The following ABHD18 variants were observed in gnomAD, a reference collection of about 807,000 sequenced individuals.
ABHD18 encodes the protein abhydrolase domain containing 18.
Under a neutral mutation model 65.9 loss-of-function variants are expected in ABHD18, and 55 were observed. The ratio of observed to expected loss-of-function variants is 0.84; its 90% CI spans 0.67 to 1.05. ABHD18 has a LOEUF of 1.05. Ranked by LOEUF, ABHD18 falls within the 50% of genes least tolerant of loss-of-function variation. ABHD18 has a pLI of 0.00. For missense variants in ABHD18, 533 were observed against 558.5 expected (o/e 0.95, Z 0.46); for synonymous variants, 181 against 180.2 (o/e 1.00, Z -0.04).
intron 4 of ABHD18, among the ~76,000 whole-genome samples, chr4:127,991,567 G>A (rs1750930447): frequency 6.6e-6 from 1 of 152,024 alleles, no homozygotes; most frequent in Non-Finnish European, 1.5e-5. Context: ...AATCAGTGTT[G>A]AACCTAGATC....
At chr4:128,023,556 C>G (rs1362422848) in intron 10 of ABHD18, among the ~76,000 whole-genome samples, 5 of 150,804 alleles carry the variant, frequency 3.3e-5, no homozygotes, top group Non-Finnish European at 7.4e-5. Context: ...TGCACTCCAG[C>G]CCAGGTGACA....
Position 128,023,115 on chromosome 4 carries a change from ACT to A in ABHD18, c.801+1880_801+1881del, listed in dbSNP as rs549275579. On this transcript the variant is annotated intron_variant, in intron 10 of 12. Coordinates refer to ENST00000645843, the MANE Select transcript of ABHD18 (RefSeq NM_001358451.3). ...TTTTTACTGTTTGAAAGATACTGAG[ACT>A]CTTAAGAAACTTCAAAAAAAAGAAA... is the stretch of plus-strand genomic sequence containing the variant. Among the ~76,000 whole-genome samples, 43 of 151,292 alleles carry A rather than the reference ACT, an allele frequency of 2.8e-4. 1 individual carries two copies. The South Asian group carries it at 4.8e-3, about 17-fold the overall frequency.
intron 8 of ABHD18, 133 bp from the exon 9 acceptor site, chr4:128,019,947 T>G (rs1049655322): frequency 1.3e-5 from 7 of 529,238 alleles, no homozygotes; most frequent in Non-Finnish European, 2.0e-5. Context: ...TGGCTAGACA[T>G]TCTCACGAAT....
chr4:128,020,241 A>G (rs2149165725), intron 9 of ABHD18, 72 bp downstream of exon 9: 1 of 1,068,568 alleles, frequency 9.4e-7, no homozygotes, highest in East Asian at 2.6e-5. Flanking sequence ...GGTCCCCAAA[A>G]CCACCCTCAG....
At chr4:128,003,143 C>T (rs898004388) in intron 4 of ABHD18, among the ~76,000 whole-genome samples, 6 of 151,336 alleles carry the variant, frequency 4.0e-5, no homozygotes, top group African/African-American at 9.7e-5. Context: ...CTGAGGTGGG[C>T]GGATCATGAG....
At chr4:127,979,092 C>G (rs1748500946) in intron 1 of ABHD18, among the ~76,000 whole-genome samples, 1 of 152,046 alleles carries the variant, frequency 6.6e-6, no homozygotes, top group Non-Finnish European at 1.5e-5. Context: ...TAAAAAACAA[C>G]AAACCAAATA....
chr4:128,005,102 G>A lies in ABHD18; in HGVS notation c.279-3818G>A, dbSNP rs375852402. Among the ~76,000 whole-genome samples, 21 of 152,112 alleles carry A rather than the reference G, an allele frequency of 1.4e-4. 1 individual carries two copies. In the South Asian group the frequency reaches 3.9e-3, roughly 29 times the overall value. The stretch of plus-strand genomic sequence containing the variant: ...AAATTAGTTGGGCATGGTGGCACAC[G>A]CCTGTAATCCCAGCTACTTGGGAGG... On this transcript the variant is annotated intron_variant, in intron 4 of 12. Transcript: ENST00000645843.
intron 3 of ABHD18, among the ~76,000 whole-genome samples, chr4:127,985,520 C>T (rs1326809106): frequency 6.6e-6 from 1 of 151,926 alleles, no homozygotes; most frequent in Non-Finnish European, 1.5e-5. Context: ...CTCCCTGACC[C>T]TCAAATTTTG....
In ABHD18 at chr4:128,039,716, T is replaced by C. The variant is rs1476851166; in HGVS notation, c.*3903T>C. The C allele has an allele frequency of 2.0e-5, 3 of 152,184 alleles. No individual in the cohort carries two copies. The highest frequency in any genetic ancestry group is 4.4e-5 in the Non-Finnish European group (3 of 68,038). 9.4% of individuals were successfully genotyped at this position (152,184 alleles called of 1,614,324 possible). A position where few individuals can be genotyped will look rare whatever the true frequency, so the allele number is the denominator to read the frequency against. On this transcript the variant is annotated 3_prime_UTR_variant, in exon 13 of 13. Coordinates refer to ENST00000645843, the MANE Select transcript of ABHD18 (RefSeq NM_001358451.3). The stretch of plus-strand genomic sequence containing the variant: ...AAAGTCTATTTAAAAAGCTAATCAT[T>C]TGTGCTTTTTTTCAAGAGGTATTAT...
chr4:128,010,648 C>T (rs532657348), intron 6 of ABHD18, among the ~76,000 whole-genome samples: 11 of 151,882 alleles, frequency 7.2e-5, no homozygotes, highest in Admixed American at 4.6e-4. Flanking sequence ...CACGGTGGCT[C>T]ACGCCCTGTA....
chr4:127,981,965 A>G (rs1231778770), intron 1 of ABHD18, among the ~76,000 whole-genome samples: 1 of 152,180 alleles, frequency 6.6e-6, no homozygotes, highest in Non-Finnish European at 1.5e-5. Context: ...CAACCATAAA[A>G]TCAACTTAAA....
Position 128,017,405 on chromosome 4 carries a change from A to AGG in ABHD18, c.514_515dup (p.Ala173GlufsTer5), listed in dbSNP as rs754537737. ...ATGTGTCCGACCTTTTTGTGATGGG[A>AGG]GGAGCTCTTGTTTTAGAATCTGCAG... On this transcript the variant is annotated frameshift_variant, in exon 8 of 13. Coordinates refer to ENST00000645843, the MANE Select transcript of ABHD18 (RefSeq NM_001358451.3). LOFTEE classifies it high-confidence loss of function. The AGG allele has an allele frequency of 1.2e-6, 2 of 1,613,792 alleles. No individual in the cohort carries two copies. The highest frequency in any genetic ancestry group is 2.2e-5 in the South Asian group (2 of 91,038).
chr4:127,989,620 C>A, intron 3 of ABHD18, 101 bp from the exon 4 acceptor site: 1 of 703,350 alleles, frequency 1.4e-6, no homozygotes, highest in Non-Finnish European at 2.2e-6. Context: ...GTGCTGAAAA[C>A]ATGATTTTAA....
At chr4:127,994,149 C>T (rs1031516605) in intron 4 of ABHD18, among the ~76,000 whole-genome samples, 1 of 152,112 alleles carries the variant, frequency 6.6e-6, no homozygotes, top group African/African-American at 2.4e-5. Flanking sequence ...TTTAAGACTG[C>T]TTAAGATCTG....
intron 4 of ABHD18, among the ~76,000 whole-genome samples, chr4:127,998,376 G>T (rs544617564): frequency 6.8e-6 from 1 of 147,318 alleles, no homozygotes; most frequent in Non-Finnish European, 1.5e-5. Flanking sequence ...TCCTGCCTCA[G>T]CCTCCTGTTC....
At chr4:127,998,337 C>T (rs1385914575) in intron 4 of ABHD18, among the ~76,000 whole-genome samples, 1 of 138,428 alleles carries the variant, frequency 7.2e-6, no homozygotes, top group Non-Finnish European at 1.5e-5. Context: ...GGCTGGAGTG[C>T]ACTGGCACGA....
At chr4:128,007,788 T>C (rs1364253029) in intron 4 of ABHD18, among the ~76,000 whole-genome samples, 2 of 151,856 alleles carry the variant, frequency 1.3e-5, no homozygotes, top group Non-Finnish European at 2.9e-5. Context: ...TGTGCGTTTG[T>C]GTTTTTTGTT....
intron 10 of ABHD18, among the ~76,000 whole-genome samples, chr4:128,021,780 A>G (rs1756542448): frequency 6.6e-6 from 1 of 152,208 alleles, no homozygotes; most frequent in Admixed American, 6.5e-5. Context: ...GGTCAAAAAT[A>G]AAACTTGACC....
In ABHD18 at chr4:128,020,093, C is replaced by G; in HGVS notation, c.623C>G (p.Ala208Gly). ...GTTATATTACAGATGGCTTCCTTAG[C>G]GGTATCCAACTGGCCTAAGCCCATG... is the stretch of plus-strand genomic sequence containing the variant. ...ISMGGHMASL[A>G]VSNWPKPMPL... The change falls in exon 9 of 13, where the codon GCG becomes GGG. Residue 208 changes from alanine (A) to glycine (G), a missense_variant. Physicochemically the swap from Ala to Gly is moderately conservative, Grantham distance 60. This residue lies in a region of ABHD18 where 309 missense variants were observed against 313.5 expected (regional missense o/e 0.99). Transcript: ENST00000645843. The G allele has an allele frequency of 6.2e-7, 1 of 1,611,844 alleles. No homozygotes were observed. The highest frequency in any genetic ancestry group is 8.5e-7 in the Non-Finnish European group (1 of 1,178,392).
Sources: allele counts gnomAD v4.1 joint callset (sites outside exome capture counted in the v4.1 genomes callset), GRCh38; gene constraint gnomAD v4.1.1; regional missense constraint gnomAD v4.1.1; transcripts MANE v1.5; gene names NCBI Gene and HGNC (gene_info 2026-07-23, HGNC 2026-07-21).